The following CHRNA2 variants were observed in gnomAD, a reference collection of about 807,000 sequenced individuals.
CHRNA2 encodes neuronal acetylcholine receptor subunit alpha-2.
CHRNA2 carries 40 observed loss-of-function variants against 45.5 expected under a neutral mutation model. The ratio of observed to expected loss-of-function variants is 0.88; its 90% CI spans 0.68 to 1.15. The LOEUF is 1.15. CHRNA2 is among the 50% of genes most tolerant of loss of function. The pLI, the probability that CHRNA2 is intolerant of heterozygous loss-of-function variation, is 0.00. For missense variants in CHRNA2, 655 were observed against 701.7 expected, an observed-to-expected ratio of 0.93 and a Z score of 0.75; for synonymous variants, 301 against 296.7, an observed-to-expected ratio of 1.01 and a Z score of -0.15.
Position 27,463,884 on chromosome 8 carries a change from C to T in CHRNA2, c.559G>A (p.Val187Ile), listed in dbSNP as rs141662252. The change falls in exon 6 of 7, where the codon GTC (valine) becomes ATC (isoleucine). Residue 187 changes from valine to isoleucine, a missense_variant. Transcript: ENST00000407991. The surrounding 1 kb of genome is among the most constrained non-coding windows in gnomAD (Gnocchi z 6.1). Reference protein sequence around the residue: ...AIYKSSCSIDVTFFPFDQQNC... With the variant: ...AIYKSSCSIDITFFPFDQQNC... Reference sequence around the variant, plus strand: ...TGCTGGTCGAAGGGGAAGAAGGTGACGTCGATGCTGCAGGAGCTCTTGTAG... The same window carrying T: ...TGCTGGTCGAAGGGGAAGAAGGTGATGTCGATGCTGCAGGAGCTCTTGTAG... 1.8e-5 allele frequency: 29 copies of T among 1,614,036 alleles called. No homozygotes were observed. The highest frequency in any genetic ancestry group is 2.4e-5 in the Non-Finnish European group (28 of 1,180,042).
In CHRNA2 at chr8:27,461,774, C is replaced by T. The variant is rs752601303; in HGVS notation, c.1465-20G>A. 9.9e-6 allele frequency: 16 copies of T among 1,613,852 alleles called. No individual in the cohort carries two copies. The East Asian group carries it at 2.7e-4, about 27-fold the overall frequency. ...CTTCACCTGTGGGGAAGACAGCACA[C>T]AGTGACAGGGGCCAGGCCTGGGAAA... On this transcript the variant is annotated intron_variant, in intron 6 of 6. Coordinates refer to ENST00000407991, the MANE Select transcript of CHRNA2 (RefSeq NM_000742.4).
At chr8:27,473,577 C>T (rs1205222866) in intron 1 of CHRNA2, among the ~76,000 whole-genome samples, 2 of 138,684 alleles carry the variant, frequency 1.4e-5, no homozygotes, top group Non-Finnish European at 3.1e-5. Context: ...CATAGTGGTG[C>T]GTGCCTGTGA....
intron 5 of CHRNA2, among the ~76,000 whole-genome samples, chr8:27,465,665 C>G (rs2322586): frequency 0.86 from 130,802 of 152,148 alleles, 56,412 homozygotes; most frequent in Middle Eastern, 0.94. Flanking sequence ...TCTTGACCTC[C>G]TGATCCGCCG....
At position 27,470,082 on chromosome 8, in the gene CHRNA2, A is replaced by G. The variant is rs773377473; in HGVS notation, c.74-101T>C. On this transcript the variant is annotated intron_variant, in intron 2 of 6. Transcript: ENST00000407991. Reference sequence around the variant, plus strand: ...AACCTATCTCAAAACATTGTTGAAGATGGCAGATGATAATGTCTATCAGAG... The same window carrying G: ...AACCTATCTCAAAACATTGTTGAAGGTGGCAGATGATAATGTCTATCAGAG... 1.4e-4 allele frequency: 158 copies of G among 1,101,832 alleles called. 1 individual carries two copies. The highest frequency in any genetic ancestry group is 4.4e-4 in the Middle Eastern group (2 of 4,502). 68.3% of individuals were successfully genotyped at this position (1,101,832 alleles called of 1,614,324 possible).
chr8:27,465,196 C>T (rs756855285), intron 5 of CHRNA2, among the ~76,000 whole-genome samples: 1 of 152,080 alleles, frequency 6.6e-6, no homozygotes, highest in Non-Finnish European at 1.5e-5. Context: ...GGTAGCACTT[C>T]CTGGAAGCCT....
At chr8:27,470,880 T>C in intron 2 of CHRNA2, 106 bp downstream of exon 2, 2 of 1,207,076 alleles carry the variant, frequency 1.7e-6, no homozygotes, top group South Asian at 2.6e-5. Flanking sequence ...TGAAGTCCCC[T>C]GCAGCTTTGA....
chr8:27,465,488 G>A (rs946263217), intron 5 of CHRNA2, among the ~76,000 whole-genome samples: 2 of 152,114 alleles, frequency 1.3e-5, no homozygotes, highest in South Asian at 4.2e-4. Context: ...CTGGAGTGCA[G>A]GGGTGTGATC....
chr8:27,463,821 TGTC>T lies in CHRNA2; in HGVS notation c.619_621del (p.Asp207del). 4 of 1,614,100 alleles carry T rather than the reference TGTC, an allele frequency of 2.5e-6. No homozygotes were observed. The highest frequency in any genetic ancestry group is 3.4e-6 in the Non-Finnish European group (4 of 1,179,994). On this transcript the variant is annotated inframe_deletion, in exon 6 of 7. Transcript: ENST00000407991. This position sits in a 1 kb window ranked among gnomAD's most constrained non-coding sequence, Gnocchi z 6.1. ...ATCTGCTCCAGGTCGATCTTGGCCT[TGTC>T]ATAAGTCCAGGAGCCAAACTTCATC...
chr8:27,461,766 A>T lies in CHRNA2; in HGVS notation c.1465-12T>A, dbSNP rs1370055922. The T allele has an allele frequency of 6.2e-7, 1 of 1,614,042 alleles. No individual in the cohort carries two copies. ...CAGTCCTCCTTCACCTGTGGGGAAG[A>T]CAGCACACAGTGACAGGGGCCAGGC... On this transcript the variant is annotated splice_polypyrimidine_tract_variant and intron_variant, in intron 6 of 6. Transcript: ENST00000407991.
chr8:27,478,475 C>T (rs1341011000), intron 1 of CHRNA2, among the ~76,000 whole-genome samples: 12 of 152,150 alleles, frequency 7.9e-5, no homozygotes, highest in Admixed American at 3.9e-4. Context: ...GCATTGCTGT[C>T]TTTTAGCCCT....
intron 4 of CHRNA2, 27 bp downstream of exon 4, chr8:27,469,308 C>T (rs1195658320): frequency 6.5e-7 from 1 of 1,529,238 alleles, no homozygotes; most frequent in Non-Finnish European, 8.8e-7. Flanking sequence ...GTACCCGCCA[C>T]CTGGACTGGA....
At position 27,467,447 on chromosome 8, in the gene CHRNA2, C is replaced by G; in HGVS notation, c.340-109G>C. 3 of 814,978 alleles carry G rather than the reference C, an allele frequency of 3.7e-6. No individual in the cohort carries two copies. In the South Asian group the frequency reaches 4.5e-5, roughly 12 times the overall value. 50.5% of individuals were successfully genotyped at this position (814,978 alleles called of 1,614,324 possible). On this transcript the variant is annotated intron_variant, in intron 4 of 6. Transcript: ENST00000407991. ...ATTGGGCCAAGCAGCCCCCTTGGAG[C>G]AGCCAGGGCTCCCCACCCAGCCCAG...
At chr8:27,475,948 G>C (rs1053984286) in intron 1 of CHRNA2, among the ~76,000 whole-genome samples, 1 of 152,164 alleles carries the variant, frequency 6.6e-6, no homozygotes. Flanking sequence ...TGGGTTCCAG[G>C]TGTTCAGAGC....
chr8:27,469,738 C>T (rs780994616), intron 3 of CHRNA2, 23 bp downstream of exon 3: 6 of 1,613,748 alleles, frequency 3.7e-6, no homozygotes, highest in Middle Eastern at 1.6e-4. Flanking sequence ...TTCCTCGGGC[C>T]AGCGGTGGGA....
rs1018076614 is a variant in CHRNA2, at chr8:27,460,271, G to A, written c.*1358C>T. 6.6e-6 allele frequency: 1 copy of A among 152,304 alleles called. No individual in the cohort carries two copies. The highest frequency in any genetic ancestry group is 2.4e-5 in the African/African-American group (1 of 41,434). 9.4% of individuals were successfully genotyped at this position (152,304 alleles called of 1,614,324 possible). On this transcript the variant is annotated 3_prime_UTR_variant, in exon 7 of 7. Transcript: ENST00000407991. The stretch of plus-strand genomic sequence containing the variant: ...ATCCCAGGAGCAGCAGCTCGGCCTG[G>A]GATCCTGGGTGCAGCCTCAGACTGT...
rs375095234 is a variant in CHRNA2, at chr8:27,461,737, C to T, written c.1482G>A (p.Lys494=). Residue 494 remains lysine, a synonymous_variant, in exon 7 of 7, where the codon AAG becomes AAA. Transcript: ENST00000407991. ...TCCTGTCGATGACCATGGCAACATA[C>T]TTCCAGTCCTCCTTCACCTGTGGGG... ...DADSSVKEDW[K]YVAMVIDRIF... 3 of 1,614,184 alleles carry T rather than the reference C, an allele frequency of 1.9e-6. No homozygotes were observed. Among genetic ancestry groups the T allele is most frequent in the South Asian group, 1.1e-5 (1 of 91,084 alleles).
intron 1 of CHRNA2, among the ~76,000 whole-genome samples, chr8:27,472,708 G>C (rs1812927753): frequency 6.6e-6 from 1 of 152,208 alleles, no homozygotes. Context: ...GAGGGGATAA[G>C]AGATCTCTGG....
chr8:27,479,260 A>G lies in CHRNA2; in HGVS notation c.-573T>C, dbSNP rs1813156870. 6.8e-6 allele frequency: 1 copy of G among 146,540 alleles called. No individual in the cohort carries two copies. The highest frequency in any genetic ancestry group is 1.5e-5 in the Non-Finnish European group (1 of 66,038). The allele number at this position is 146,540 out of a possible 1,614,324, so 9.1% of individuals were successfully genotyped here. ...TTCTCTCTCTCTCTCACACACACAC[A>G]CACATACACACACACACACACACAC... On this transcript the variant is annotated 5_prime_UTR_variant, in exon 1 of 7. Coordinates refer to ENST00000407991, the MANE Select transcript of CHRNA2 (RefSeq NM_000742.4).
intron 1 of CHRNA2, among the ~76,000 whole-genome samples, chr8:27,472,623 G>A (rs1209869186): frequency 2.0e-5 from 3 of 152,182 alleles, no homozygotes; most frequent in Admixed American, 6.5e-5. Context: ...GAAACAGAAC[G>A]TAGATTAGTG....
Sources: gnomAD v4.1 joint callset for allele counts (sites outside exome capture counted in the v4.1 genomes callset) on GRCh38, gnomAD v4.1.1 for gene constraint, Gnocchi (gnomAD v3.1) non-coding constraint, MANE v1.5 for transcripts, NCBI Gene and HGNC (gene_info 2026-07-23, HGNC 2026-07-21) for gene names.